Variants in TEX10 observed in about 807,000 individuals in gnomAD.
TEX10 encodes the protein testis-expressed protein 10.
Under a neutral mutation model 104.4 loss-of-function variants are expected in TEX10, and 24 were observed. The ratio of observed to expected loss-of-function variants is 0.23; its 90% CI spans 0.17 to 0.32. The LOEUF (loss-of-function observed/expected upper bound fraction) is 0.32. Among genes scored for constraint, TEX10 ranks in the 10% least tolerant of loss-of-function variants. The pLI, the probability that TEX10 is intolerant of heterozygous loss-of-function variation, is 1.00. For synonymous variants in TEX10, 396 were observed against 393.4 expected (o/e 1.01, Z -0.08); for missense variants, 921 against 1,083.9 (o/e 0.85, Z 2.11).
rs147626734 is a variant in TEX10 at position 100,312,422 on chromosome 9, A to G, written c.2203-2043T>C. On this transcript the variant is annotated intron_variant, in intron 11 of 14. Coordinates refer to ENST00000374902, the MANE Select transcript of TEX10 (RefSeq NM_017746.4). ...AGCTGATCAAGTAAATATATTAAGT[A>G]TAACTGGAGCCAGGTTTCTATCAGA... 9.2e-5 allele frequency among the ~76,000 whole-genome samples: 14 copies of G among 152,342 alleles called. No homozygotes were observed. The East Asian group carries it at 2.5e-3, about 27-fold the overall frequency.
chr9:100,347,314 T>C lies in TEX10; in HGVS notation c.273A>G (p.Ile91Met), dbSNP rs200798081. Residue 91 changes from isoleucine to methionine, a missense_variant, in exon 3 of 15, where the codon ATA becomes ATG. Physicochemically the swap from Ile to Met is conservative, Grantham distance 10 (BLOSUM62 1). This residue lies in a region of TEX10 where 118 missense variants were observed against 111.3 expected (regional missense o/e 1.06). Transcript: ENST00000374902. ...LKDLLSQYPFIIDAHLSNILS... is the reference protein window; with the variant it reads ...LKDLLSQYPFMIDAHLSNILS... ...ATATGTTTGAAAGGTGTGCATCAAT[T>C]ATAAATGGGTATTGAGACAAAAGGT... 70 of 1,614,018 alleles carry C rather than the reference T, an allele frequency of 4.3e-5. 1 individual carries two copies. The highest frequency in any genetic ancestry group is 5.5e-5 in the Non-Finnish European group (65 of 1,180,004).
intron 11 of TEX10, 33 bp from the exon 12 acceptor site, chr9:100,310,412 C>G: frequency 6.4e-7 from 1 of 1,569,160 alleles, no homozygotes; most frequent in Non-Finnish European, 8.7e-7. Context: ...CTAACCAAAT[C>G]AGAACATTTT....
At chr9:100,308,432 A>G (rs1834193843) in intron 13 of TEX10, 68 bp downstream of exon 13, 2 of 1,354,894 alleles carry the variant, frequency 1.5e-6, no homozygotes, top group South Asian at 1.6e-5. Context: ...TTAACTGTCT[A>G]TTTTATTATT....
At chr9:100,307,611 T>C (rs1254083708) in intron 13 of TEX10, 2 of 151,822 alleles carry the variant, frequency 1.3e-5, no homozygotes, top group Non-Finnish European at 2.9e-5. Flanking sequence ...CAAATGCACA[T>C]AAAACCATTT....
chr9:100,343,116 G>A (rs2118924224), intron 4 of TEX10, among the ~76,000 whole-genome samples: 1 of 150,862 alleles, frequency 6.6e-6, no homozygotes, highest in East Asian at 2.0e-4. Context: ...CAGCCTGGGC[G>A]ACTGAGTGAG....
At position 100,346,644 on chromosome 9, in the gene TEX10, T is replaced by C. The variant is rs185484841; in HGVS notation, c.893+50A>G. The C allele has an allele frequency of 5.5e-4, 839 of 1,534,548 alleles. 1 individual carries two copies. In the African/African-American group the frequency reaches 0.01, roughly 19 times the overall value. The stretch of plus-strand genomic sequence containing the variant: ...CCAACAGTCATCAATGGTTAGCAGT[T>C]ATAATTCAATACAGCAAAACTGTGT... On this transcript the variant is annotated intron_variant, in intron 3 of 14. Coordinates refer to ENST00000374902, the MANE Select transcript of TEX10 (RefSeq NM_017746.4).
chr9:100,347,371 C>G lies in TEX10; in HGVS notation c.216G>C (p.Gly72=). The change falls in exon 3 of 15, where the codon GGG becomes GGC. Residue 72 remains glycine (G), a synonymous_variant. Coordinates refer to ENST00000374902, the MANE Select transcript of TEX10 (RefSeq NM_017746.4). ...GTCCAAGAAGAGCACTTTGTTTAAC[C>G]CCAGCATTGTAGTGATGCATCTGTG... is the stretch of plus-strand genomic sequence containing the variant. ...LLSQMHHYNA[G]VKQSALLGLK... is the part of the protein sequence containing the mutation. 2 of 1,607,786 alleles carry G rather than the reference C, an allele frequency of 1.2e-6. No homozygotes were observed. Among genetic ancestry groups the G allele is most frequent in the Non-Finnish European group, 1.7e-6 (2 of 1,177,016 alleles).
At chr9:100,322,355 A>C (rs1362709957) in intron 9 of TEX10, among the ~76,000 whole-genome samples, 2 of 152,224 alleles carry the variant, frequency 1.3e-5, no homozygotes, top group Non-Finnish European at 2.9e-5. Context: ...GCAGCTTCCC[A>C]TTAAATGAGG....
chr9:100,332,985 C>T (rs888149484), intron 5 of TEX10, among the ~76,000 whole-genome samples: 21 of 152,046 alleles, frequency 1.4e-4, no homozygotes, highest in Non-Finnish European at 4.4e-5. Flanking sequence ...CTAGGGCCTA[C>T]CAAGACATTC....
At chr9:100,352,651 G>C (rs1835490812) in intron 1 of TEX10, 121 bp downstream of exon 1, 3 of 1,433,888 alleles carry the variant, frequency 2.1e-6, no homozygotes, top group Non-Finnish European at 2.7e-6. Flanking sequence ...CCAGACCCGG[G>C]GGACGCAAAT....
In TEX10 at chr9:100,346,877, G is replaced by A. The variant is rs534770971; in HGVS notation, c.710C>T (p.Ala237Val). ...CAACCTACTGGATCCATCTGCCAAG[G>A]CCTGAAGGAATTTACTGAGTCTCAC... ...VLVRLSKFLQ[A>V]LADGSSRLRE... The change falls in exon 3 of 15, where the codon GCC becomes GTC. Residue 237 changes from alanine to valine, a missense_variant. By Grantham distance (64) the Ala-to-Val change is moderately conservative (BLOSUM62 0). Around this residue, in one of 3 missense-constraint regions of TEX10, gnomAD observed 753 missense variants for 868.4 expected, o/e 0.87. Coordinates refer to ENST00000374902, the MANE Select transcript of TEX10 (RefSeq NM_017746.4). 3.1e-6 allele frequency: 5 copies of A among 1,614,152 alleles called. No homozygotes were observed. In the Admixed American group the frequency reaches 5.0e-5, roughly 16 times the overall value.
chr9:100,331,718 T>C (rs747718858), intron 5 of TEX10, among the ~76,000 whole-genome samples: 8 of 152,196 alleles, frequency 5.3e-5, no homozygotes, highest in Admixed American at 1.3e-4. Flanking sequence ...GGGAATAACA[T>C]GGTTGCAAGC....
chr9:100,313,267 C>A (rs1834324079), intron 11 of TEX10, among the ~76,000 whole-genome samples: 1 of 152,186 alleles, frequency 6.6e-6, no homozygotes, highest in African/African-American at 2.4e-5. Flanking sequence ...GTAACCCCAG[C>A]ACTTTGGGAG....
At chr9:100,334,582 A>C (rs1353314807) in intron 5 of TEX10, among the ~76,000 whole-genome samples, 2 of 152,170 alleles carry the variant, frequency 1.3e-5, no homozygotes, top group Non-Finnish European at 2.9e-5. Flanking sequence ...TTACTAAAGT[A>C]TCAATTTTTG....
chr9:100,344,586 C>G (rs1352848034), intron 4 of TEX10, among the ~76,000 whole-genome samples: 1 of 152,244 alleles, frequency 6.6e-6, no homozygotes, highest in Non-Finnish European at 1.5e-5. Flanking sequence ...TGGCTCACGC[C>G]TGTAACCCAA....
intron 6 of TEX10, 138 bp from the exon 7 acceptor site, chr9:100,329,413 G>C: frequency 1.1e-6 from 1 of 917,826 alleles, no homozygotes; most frequent in East Asian, 2.6e-5. Flanking sequence ...AACTACCATT[G>C]AAGTCCTATA....
chr9:100,313,441 G>C (rs1460339159), intron 11 of TEX10, among the ~76,000 whole-genome samples: 2 of 151,900 alleles, frequency 1.3e-5, no homozygotes, highest in African/African-American at 2.4e-5. Context: ...CTTGAACCCG[G>C]GAGGCAGAGG....
Position 100,339,477 on chromosome 9 carries a change from A to G in TEX10, c.1250+780T>C, listed in dbSNP as rs544974681. On this transcript the variant is annotated intron_variant, in intron 5 of 14. Transcript: ENST00000374902. ...TCTACCCTGTTCACAGTAAGCAACC[A>G]AAACAAATATTTAGTGCATGAATGA... Among the ~76,000 whole-genome samples the G allele has an allele frequency of 7.9e-5, 12 of 151,532 alleles. No homozygotes were observed. In the East Asian group the frequency reaches 2.1e-3, roughly 27 times the overall value.
At chr9:100,347,526 G>T in intron 2 of TEX10, 120 bp from the exon 3 acceptor site, 1 of 669,396 alleles carries the variant, frequency 1.5e-6, no homozygotes, top group Non-Finnish European at 2.3e-6. Flanking sequence ...GCTTCAATAA[G>T]TACTTTTTAA....
Sources: gnomAD v4.1 joint callset for allele counts (sites outside exome capture counted in the v4.1 genomes callset) on GRCh38, gnomAD v4.1.1 for gene constraint, gnomAD v4.1.1 regional missense constraint, MANE v1.5 for transcripts, NCBI Gene and HGNC (gene_info 2026-07-23, HGNC 2026-07-21) for gene names.